The following CSPP1 variants were observed in gnomAD, a reference collection of about 807,000 sequenced individuals.
CSPP1 encodes centrosome and spindle pole associated protein 1.
Under a neutral mutation model 164.4 loss-of-function variants are expected in CSPP1, and 126 were observed. The observed-to-expected ratio is 0.77, with a 90% confidence interval of 0.66 to 0.89. The LOEUF (loss-of-function observed/expected upper bound fraction) is 0.89, where lower values mean the gene tolerates loss of function less well. Ranked by LOEUF, CSPP1 falls within the 40% of genes least tolerant of loss-of-function variation. CSPP1 has a pLI of 0.00. For missense variants in CSPP1, 1,395 were observed against 1,449.8 expected, an observed-to-expected ratio of 0.96 and a Z score of 0.61; for synonymous variants, 472 against 476.7, an observed-to-expected ratio of 0.99 and a Z score of 0.13.
intron 24 of CSPP1, among the ~76,000 whole-genome samples, chr8:67,167,563 G>A (rs1385701300): frequency 1.3e-5 from 2 of 150,072 alleles, no homozygotes; most frequent in African/African-American, 2.5e-5. Context: ...GGGCGGAGGG[G>A]CTCCTCACTT....
chr8:67,185,305 T>G (rs1834276592), intron 28 of CSPP1, among the ~76,000 whole-genome samples: 1 of 152,154 alleles, frequency 6.6e-6, no homozygotes, highest in Admixed American at 6.5e-5. Context: ...ATCTTTTCGG[T>G]TGTGAACTAA....
intron 3 of CSPP1, among the ~76,000 whole-genome samples, chr8:67,084,948 T>C (rs1472108855): frequency 6.6e-6 from 1 of 152,206 alleles, no homozygotes; most frequent in African/African-American, 2.4e-5. Flanking sequence ...TGTTGAGATA[T>C]AATTTACACA....
At chr8:67,140,009 A>G (rs992599132) in intron 17 of CSPP1, among the ~76,000 whole-genome samples, 1 of 152,134 alleles carries the variant, frequency 6.6e-6, no homozygotes, top group Non-Finnish European at 1.5e-5. Context: ...AAGAATTCTT[A>G]TGTATTATGC....
chr8:67,190,805 A>G, intron 29 of CSPP1, 46 bp downstream of exon 29: 1 of 1,386,846 alleles, frequency 7.2e-7, no homozygotes, highest in Non-Finnish European at 1.0e-6. Flanking sequence ...GAAGAATGAG[A>G]GGTCTGGGTT....
Position 67,159,957 on chromosome 8 carries a change from C to CCTTCTTTTCTTTTCTTTTCT in CSPP1, c.2538+820_2538+821insCTTCTTTTCTTTTCTTTTCT, listed in dbSNP as rs1554605789. ...TCCTTCCTTCCTTCCTTCCTTCCTT[C>CCTTCTTTTCTTTTCTTTTCT]TTTCTTTTCTTTTCTTTTCTTTTCT... On this transcript the variant is annotated intron_variant, in intron 21 of 30. Transcript: ENST00000678616. Among the ~76,000 whole-genome samples the CCTTCTTTTCTTTTCTTTTCT allele has an allele frequency of 1.6e-3, 32 of 20,020 alleles. 2 individuals are homozygous for CCTTCTTTTCTTTTCTTTTCT. Among genetic ancestry groups the CCTTCTTTTCTTTTCTTTTCT allele is most frequent in the Admixed American group, 2.3e-3 (4 of 1,718 alleles). 13.1% of individuals were successfully genotyped at this position (20,020 alleles called of 152,430 possible). A position where few individuals can be genotyped will look rare whatever the true frequency, so the allele number is the denominator to read the frequency against.
chr8:67,142,383 C>T (rs1199567934), intron 17 of CSPP1, among the ~76,000 whole-genome samples: 1 of 152,130 alleles, frequency 6.6e-6, no homozygotes, highest in Non-Finnish European at 1.5e-5. Context: ...CTTACTCGTC[C>T]ACCCATGCCA....
At chr8:67,144,175 G>GAGA in intron 17 of CSPP1, among the ~76,000 whole-genome samples, 1 of 152,142 alleles carries the variant, frequency 6.6e-6, no homozygotes, top group Non-Finnish European at 1.5e-5. Flanking sequence ...TGCATCTATT[G>GAGA]AGATGATAAT....
At chr8:67,165,216 G>A (rs566093112) in intron 24 of CSPP1, among the ~76,000 whole-genome samples, 9 of 151,234 alleles carry the variant, frequency 6.0e-5, no homozygotes, top group South Asian at 2.1e-4. Context: ...CCCAGGAGGC[G>A]GAGGTTGCAG....
At chr8:67,112,444 C>CA (rs939748983) in intron 10 of CSPP1, among the ~76,000 whole-genome samples, 26 of 150,562 alleles carry the variant, frequency 1.7e-4, no homozygotes, top group South Asian at 4.2e-4. Context: ...CACATACATG[C>CA]AAAAAAAATT....
At chr8:67,103,418 TAAAAG>T (rs1814577623) in intron 8 of CSPP1, among the ~76,000 whole-genome samples, 1 of 152,088 alleles carries the variant, frequency 6.6e-6, no homozygotes, top group Admixed American at 6.5e-5. Context: ...TTTGAAATAA[TAAAAG>T]AAATAAGTAT....
At chr8:67,159,957 C>CTTTCTTTTCTTTTCTTTTCTTT (rs1827821461) in intron 21 of CSPP1, among the ~76,000 whole-genome samples, 1 of 20,020 alleles carries the variant, frequency 5.0e-5, no homozygotes, top group Admixed American at 5.8e-4. Flanking sequence ...TTCCTTCCTT[C>CTTTCTTTTCTTTTCTTTTCTTT]TTTCTTTTCT....
chr8:67,086,513 A>C (rs1197601487), intron 4 of CSPP1, among the ~76,000 whole-genome samples: 1 of 152,148 alleles, frequency 6.6e-6, no homozygotes, highest in East Asian at 1.9e-4. Flanking sequence ...CCAAGCTTAT[A>C]AAATTACATT....
chr8:67,192,684 C>T (rs1478211352), intron 29 of CSPP1, among the ~76,000 whole-genome samples: 1 of 152,160 alleles, frequency 6.6e-6, no homozygotes, highest in Non-Finnish European at 1.5e-5. Context: ...TTAATTTTTG[C>T]ACAGGGTGTG....
rs1259750051 is a variant in CSPP1 at position 67,195,899 on chromosome 8, A to ATAAG, written c.*308_*311dup. The ATAAG allele has an allele frequency of 4.2e-5, 11 of 259,382 alleles. No homozygotes were observed. The highest frequency in any genetic ancestry group is 2.2e-4 in the African/African-American group (10 of 44,634). 16.1% of individuals were successfully genotyped at this position (259,382 alleles called of 1,614,324 possible). A position where few individuals can be genotyped will look rare whatever the true frequency, so the allele number is the denominator to read the frequency against. Reference sequence around the variant, plus strand: ...TCTGCTTGTCATTAAGATAAGGTGAATAAGTGTCTTAAACGTCCTGTAAAA... The same window carrying ATAAG: ...TCTGCTTGTCATTAAGATAAGGTGAATAAGTAAGTGTCTTAAACGTCCTGTAAAA... On this transcript the variant is annotated 3_prime_UTR_variant, in exon 31 of 31. Coordinates refer to ENST00000678616, the MANE Select transcript of CSPP1 (RefSeq NM_001382391.1).
At chr8:67,158,636 GAAGGTGA>G in intron 20 of CSPP1, 40 bp downstream of exon 20, 1 of 1,526,808 alleles carries the variant, frequency 6.5e-7, no homozygotes, top group Non-Finnish European at 8.8e-7. Flanking sequence ...TACTTAGTCT[GAAGGTGA>G]AATCTTTGAC....
chr8:67,118,230 A>G lies in CSPP1; in HGVS notation c.1497-18A>G, dbSNP rs765457195. On this transcript the variant is annotated intron_variant, in intron 13 of 30. Transcript: ENST00000678616. ...CAATGAAATATGAGAGGAATTTTTC[A>G]TCTTTCTTTTCATACAGGATTGCAC... 6.2e-7 allele frequency: 1 copy of G among 1,608,278 alleles called. No homozygotes were observed. The highest frequency in any genetic ancestry group is 8.5e-7 in the Non-Finnish European group (1 of 1,178,058).
Position 67,158,456 on chromosome 8 carries a change from A to G in CSPP1, c.2251A>G (p.Lys751Glu). ...AAGTTTAATTCTTTAGATTGAGGAA[A>G]AGAAACAAAGAGAGGAAGCAGAGCG... ...KNFLRFQIEE[K>E]KQREEAERER... The change falls in exon 20 of 31, where the codon AAG (lysine) becomes GAG (glutamate). Residue 751 changes from lysine to glutamate, a missense_variant. Lys to Glu is a moderately conservative substitution (Grantham distance 56). Transcript: ENST00000678616. 2 of 1,595,428 alleles carry G rather than the reference A, an allele frequency of 1.3e-6. No individual in the cohort carries two copies. Among genetic ancestry groups the G allele is most frequent in the Non-Finnish European group, 1.7e-6 (2 of 1,172,994 alleles).
chr8:67,185,841 A>C (rs1390252732), intron 28 of CSPP1, among the ~76,000 whole-genome samples: 5 of 152,350 alleles, frequency 3.3e-5, no homozygotes, highest in East Asian at 1.9e-4. Flanking sequence ...AAGTCAAATC[A>C]GAATGGAAAA....
rs1563485799 is a variant in CSPP1, at chr8:67,074,264, T to C, written c.12T>C (p.Asn4=). 6.2e-7 allele frequency: 1 copy of C among 1,608,668 alleles called. No homozygotes were observed. The highest frequency in any genetic ancestry group is 8.5e-7 in the Non-Finnish European group (1 of 1,177,278). MAD[N]LDEFIEEQKA... is the part of the protein sequence containing the mutation. ...AAAGAATCTGCAAAATGGCTGATAA[T>C]TTGGATGAATTTATTGAAGAGCAAA... The change falls in exon 2 of 31, where the codon AAT becomes AAC. Residue 4 remains asparagine, a synonymous_variant. Transcript: ENST00000678616.
Sources: allele counts gnomAD v4.1 joint callset (sites outside exome capture counted in the v4.1 genomes callset), GRCh38; gene constraint gnomAD v4.1.1; transcripts MANE v1.5; gene names NCBI Gene and HGNC (gene_info 2026-07-23, HGNC 2026-07-21).